TRPM8: variants seen among roughly 807,000 people sequenced by gnomAD.
TRPM8 encodes the protein TRPM8 cationic channel.
Under a neutral mutation model 133.7 loss-of-function variants are expected in TRPM8, and 110 were observed. The ratio of observed to expected loss-of-function variants is 0.82; its 90% CI spans 0.70 to 0.96. TRPM8 has a LOEUF of 0.96. TRPM8 is among the 40% of genes least tolerant of loss of function. The pLI is 0.00. For synonymous variants in TRPM8, 535 were observed against 532.3 expected (o/e 1.01, Z -0.07); for missense variants, 1,291 against 1,379.5 (o/e 0.94, Z 1.02).
rs541900593 is a variant in TRPM8 at position 233,953,718 on chromosome 2, T to C, written c.1141-199T>C. On this transcript the variant is annotated intron_variant, in intron 9 of 25. Coordinates refer to ENST00000324695, the MANE Select transcript of TRPM8 (RefSeq NM_024080.5). ...TCAAATGAGGCTCTCAGCTTTTTGA[T>C]AGGGGCTTTTTGATACGTGTATAAC... The C allele has an allele frequency of 9.3e-6, 4 of 427,932 alleles. 1 individual carries two copies. Among genetic ancestry groups the C allele is most frequent in the African/African-American group, 6.0e-5 (3 of 49,724 alleles). 26.5% of individuals were successfully genotyped at this position (427,932 alleles called of 1,614,324 possible).
chr2:233,922,127 A>G (rs987087543), intron 1 of TRPM8, among the ~76,000 whole-genome samples: 4 of 152,142 alleles, frequency 2.6e-5, no homozygotes, highest in African/African-American at 9.7e-5. Context: ...CTAGGTTAGA[A>G]TGAAGGATAG....
rs1559516443 is a variant in TRPM8, at chr2:233,927,848, C to CT, written c.117+1196dup. On this transcript the variant is annotated intron_variant, in intron 2 of 25. Coordinates refer to ENST00000324695, the MANE Select transcript of TRPM8 (RefSeq NM_024080.5). ...CCTTCCTTCCTTCCTTCCTTCCTTCCTTCCTTTCTTTCTCTTTCTTTCTTT... is the reference window on the plus strand; with the variant it reads ...CCTTCCTTCCTTCCTTCCTTCCTTCCTTTCCTTTCTTTCTCTTTCTTTCTTT... Among the ~76,000 whole-genome samples, 601 of 66,096 alleles carry CT rather than the reference C, an allele frequency of 9.1e-3. 80 individuals are homozygous for CT. The highest frequency in any genetic ancestry group is 0.011 in the Non-Finnish European group (382 of 34,058). The allele number at this position is 66,096 out of a possible 152,430, so 43.4% of individuals were successfully genotyped here. A position where few individuals can be genotyped will look rare whatever the true frequency, so the allele number is the denominator to read the frequency against.
chr2:233,964,465 T>A (rs1290456137), intron 13 of TRPM8, among the ~76,000 whole-genome samples, 163 bp from the exon 14 acceptor site: 2 of 129,274 alleles, frequency 1.5e-5, no homozygotes, highest in Non-Finnish European at 3.1e-5. Context: ...GGCAGTAGAA[T>A]CACTTGAACC....
chr2:233,998,902 T>C (rs917760193), intron 22 of TRPM8, among the ~76,000 whole-genome samples: 3 of 152,224 alleles, frequency 2.0e-5, no homozygotes, highest in Admixed American at 2.0e-4. Context: ...CAGGGACTGC[T>C]GATCACCCTT....
intron 9 of TRPM8, among the ~76,000 whole-genome samples, chr2:233,952,740 A>G (rs1691198518): frequency 6.6e-6 from 1 of 151,904 alleles, no homozygotes; most frequent in South Asian, 2.1e-4. Context: ...AGGAGGCAGG[A>G]GTATGCAGGA....
chr2:233,966,857 C>A, intron 15 of TRPM8, 102 bp downstream of exon 15: 1 of 1,368,826 alleles, frequency 7.3e-7, no homozygotes, highest in Non-Finnish European at 9.6e-7. Flanking sequence ...CCTTATTCTC[C>A]AATATAAAAG....
chr2:234,002,292 G>A lies in TRPM8; in HGVS notation c.3131-4561G>A, dbSNP rs76222090. ...AGAGAAGACCTCAGGACTGAGGGTT[G>A]CAGGAGACGAGAGTAAGGCTTGGAC... is the stretch of plus-strand genomic sequence containing the variant. On this transcript the variant is annotated intron_variant, in intron 22 of 25. Coordinates refer to ENST00000324695, the MANE Select transcript of TRPM8 (RefSeq NM_024080.5). Among the ~76,000 whole-genome samples, 59 of 152,134 alleles carry A rather than the reference G, an allele frequency of 3.9e-4. No homozygotes were observed. The East Asian group carries it at 9.4e-3, about 24-fold the overall frequency.
intron 8 of TRPM8, chr2:233,947,397 A>C: frequency 6.7e-7 from 1 of 1,503,618 alleles, no homozygotes; most frequent in Non-Finnish European, 9.0e-7. Context: ...TTGACAGTCA[A>C]CCTGCCAAAG....
Position 233,950,097 on chromosome 2 carries a change from G to A in TRPM8, c.1091G>A (p.Arg364His), listed in dbSNP as rs145044224. Residue 364 changes from arginine (R) to histidine (H), a missense_variant, in exon 9 of 26, where the codon CGC becomes CAC. By Grantham distance (29) the Arg-to-His change is conservative (BLOSUM62 0). Transcript: ENST00000324695. ...GAGAAGCTGGTGCGCTTTTTACCCC[G>A]CACGGTGTCCCGGCTGCCTGAGGAG... Reference protein sequence around the residue: ...VKEKLVRFLPRTVSRLPEEET... With the variant: ...VKEKLVRFLPHTVSRLPEEET... The A allele has an allele frequency of 4.2e-4, 681 of 1,613,664 alleles. No homozygotes were observed. In the African/African-American group the frequency reaches 7.9e-3, roughly 19 times the overall value.
chr2:234,010,982 T>A (rs1343813685), intron 24 of TRPM8, among the ~76,000 whole-genome samples: 1 of 152,210 alleles, frequency 6.6e-6, no homozygotes, highest in Admixed American at 6.5e-5. Context: ...TTTTACATAA[T>A]CCCACTTGTT....
intron 21 of TRPM8, among the ~76,000 whole-genome samples, chr2:233,991,236 G>A (rs1248373242): frequency 1.3e-5 from 2 of 152,162 alleles, no homozygotes; most frequent in Non-Finnish European, 2.9e-5. Flanking sequence ...GAAATGTCAT[G>A]GGTCTTCGTG....
rs1398504574 is a variant in TRPM8 at position 233,953,984 on chromosome 2, T to C, written c.1208T>C (p.Ile403Thr). ...AAAATGGAAGAAGCTGGGGATGAAA[T>C]TGTGAGCAATGCCATCTCCTACGCT... is the stretch of plus-strand genomic sequence containing the variant. Reference protein sequence around the residue: ...VIKMEEAGDEIVSNAISYALY... With the variant: ...VIKMEEAGDETVSNAISYALY... Residue 403 changes from isoleucine to threonine, a missense_variant, in exon 10 of 26, where the codon ATT becomes ACT. By Grantham distance (89) the Ile-to-Thr change is moderately conservative (BLOSUM62 -1). Transcript: ENST00000324695. The C allele has an allele frequency of 6.2e-7, 1 of 1,613,992 alleles. No individual in the cohort carries two copies. The highest frequency in any genetic ancestry group is 8.5e-7 in the Non-Finnish European group (1 of 1,179,934).
At chr2:233,978,658 A>C (rs1691930293) in intron 17 of TRPM8, among the ~76,000 whole-genome samples, 1 of 152,194 alleles carries the variant, frequency 6.6e-6, no homozygotes, top group South Asian at 2.1e-4. Flanking sequence ...ATATTCCTTG[A>C]ATGATGGACC....
chr2:233,943,043 C>G (rs1057095453), intron 6 of TRPM8: 4 of 368,776 alleles, frequency 1.1e-5, no homozygotes, highest in East Asian at 5.3e-5. Flanking sequence ...CCATCTCAGG[C>G]GGGCTCAAAG....
intron 1 of TRPM8, among the ~76,000 whole-genome samples, chr2:233,926,052 A>AG (rs1465715373): frequency 6.6e-6 from 1 of 152,154 alleles, no homozygotes; most frequent in African/African-American, 2.4e-5. Flanking sequence ...ACCACCCTTC[A>AG]GGGGCAGGGG....
intron 3 of TRPM8, among the ~76,000 whole-genome samples, chr2:233,932,275 T>G (rs1206839480): frequency 6.6e-6 from 1 of 152,208 alleles, no homozygotes; most frequent in Non-Finnish European, 1.5e-5. Flanking sequence ...CTCTTCACTA[T>G]TGGAGGCAAA....
chr2:233,942,775 C>T, intron 6 of TRPM8, 27 bp downstream of exon 6: 1 of 1,613,126 alleles, frequency 6.2e-7, no homozygotes, highest in South Asian at 1.1e-5. Context: ...AGGAGGTCTG[C>T]TAGGTCACAT....
intron 2 of TRPM8, among the ~76,000 whole-genome samples, chr2:233,928,974 G>A (rs1034431352): frequency 6.7e-6 from 1 of 148,306 alleles, no homozygotes; most frequent in Non-Finnish European, 1.5e-5. Flanking sequence ...TGTACTATGA[G>A]TATTTTTTTG....
chr2:233,984,685 T>G (rs955465848), intron 20 of TRPM8, among the ~76,000 whole-genome samples: 1 of 152,148 alleles, frequency 6.6e-6, no homozygotes, highest in Non-Finnish European at 1.5e-5. Flanking sequence ...CTCGAGCCCC[T>G]TCTGATCTGT....
Sources: allele counts gnomAD v4.1 joint callset (sites outside exome capture counted in the v4.1 genomes callset), GRCh38; gene constraint gnomAD v4.1.1; transcripts MANE v1.5; gene names NCBI Gene and HGNC (gene_info 2026-07-23, HGNC 2026-07-21).